The following SMYD1 variants were observed in gnomAD, a reference collection of about 807,000 sequenced individuals.
SMYD1 encodes the protein histone-lysine N-methyltransferase SMYD1.
A neutral mutation model predicts 54.0 loss-of-function variants in SMYD1; 49 were observed. That is an observed-to-expected ratio of 0.91 (90% CI 0.72 to 1.15). SMYD1 has a LOEUF of 1.15. SMYD1 is among the 50% of genes most tolerant of loss of function. The pLI, the probability that SMYD1 is intolerant of heterozygous loss-of-function variation, is 0.00. For missense variants in SMYD1, 653 were observed against 639.6 expected (o/e 1.02, Z -0.23); for synonymous variants, 269 against 234.2 (o/e 1.15, Z -1.36).
At chr2:88,089,092 G>C (rs989714847) in intron 3 of SMYD1, among the ~76,000 whole-genome samples, 6 of 152,228 alleles carry the variant, frequency 3.9e-5, no homozygotes, top group African/African-American at 1.4e-4. Context: ...GGCTTGGTAA[G>C]TCCAAAATCT....
Position 88,096,729 on chromosome 2 carries a change from A to G in SMYD1, c.833A>G (p.His278Arg). The G allele has an allele frequency of 1.2e-6, 2 of 1,614,224 alleles. No individual in the cohort carries two copies. The highest frequency in any genetic ancestry group is 1.7e-6 in the Non-Finnish European group (2 of 1,180,042). Residue 278 changes from histidine to arginine, a missense_variant, in exon 6 of 10, where the codon CAC becomes CGC. Coordinates refer to ENST00000419482, the MANE Select transcript of SMYD1 (RefSeq NM_198274.4). Reference protein sequence around the residue: ...KQYYFDCTCEHCQKKLKDDLF... With the variant: ...KQYYFDCTCERCQKKLKDDLF... Reference sequence around the variant, plus strand: ...TACTACTTTGACTGCACATGTGAACACTGCCAGAAAAAACTGAAGGATGAC... The same window carrying G: ...TACTACTTTGACTGCACATGTGAACGCTGCCAGAAAAAACTGAAGGATGAC...
At chr2:88,089,019 A>T (rs2919856) in intron 3 of SMYD1, among the ~76,000 whole-genome samples, 71,571 of 152,040 alleles carry the variant, frequency 0.47, 17,603 homozygotes, top group Middle Eastern at 0.57. Context: ...AGTCTTCACC[A>T]TATTGGGGGG....
At chr2:88,088,864 G>A in intron 3 of SMYD1, among the ~76,000 whole-genome samples, 1 of 152,180 alleles carries the variant, frequency 6.6e-6, no homozygotes, top group Non-Finnish European at 1.5e-5. Flanking sequence ...AGTCCGGGAA[G>A]TGGGGGCGAG....
intron 7 of SMYD1, among the ~76,000 whole-genome samples, chr2:88,105,364 TGC>T (rs2104013846): frequency 7.6e-6 from 1 of 131,942 alleles, no homozygotes; most frequent in African/African-American, 2.8e-5. Context: ...TATGTATATA[TGC>T]GCATGCATAT....
Position 88,111,980 on chromosome 2 carries a change from A to T in SMYD1, c.*1468A>T. 1 of 689,662 alleles carries T rather than the reference A, an allele frequency of 1.4e-6. No individual in the cohort carries two copies. 42.7% of individuals were successfully genotyped at this position (689,662 alleles called of 1,614,324 possible). A position where few individuals can be genotyped will look rare whatever the true frequency, so the allele number is the denominator to read the frequency against. ...TTAGCTTCTCCATCCTCACCACATG[A>T]TGACCTGCTGTGTCCCTCTGAGCAC... is the stretch of plus-strand genomic sequence containing the variant. On this transcript the variant is annotated 3_prime_UTR_variant, in exon 10 of 10. Transcript: ENST00000419482.
chr2:88,084,110 C>CA (rs555005304), intron 1 of SMYD1, among the ~76,000 whole-genome samples: 145 of 143,874 alleles, frequency 1.0e-3, no homozygotes, highest in African/African-American at 2.4e-3. Flanking sequence ...AACTCTGTCT[C>CA]AAAAAAAAAA....
rs772487548 is a variant in SMYD1, at chr2:88,087,912, C to G, written c.365C>G (p.Thr122Arg). Residue 122 changes from threonine (T) to arginine (R), a missense_variant, in exon 3 of 10, where the codon ACG becomes AGG. Physicochemically the swap from Thr to Arg is moderately conservative, Grantham distance 71 (BLOSUM62 -1). Coordinates refer to ENST00000419482, the MANE Select transcript of SMYD1 (RefSeq NM_198274.4). Reference protein sequence around the residue: ...WRVEREGTGLTEGCLVSVDDL... With the variant: ...WRVEREGTGLREGCLVSVDDL... ...GTGGAGAGAGAAGGCACCGGGCTCACGGAGGGCTGCCTGGTGTCCGTGGAC... is the reference window on the plus strand; with the variant it reads ...GTGGAGAGAGAAGGCACCGGGCTCAGGGAGGGCTGCCTGGTGTCCGTGGAC... 12 of 1,611,542 alleles carry G rather than the reference C, an allele frequency of 7.4e-6. No individual in the cohort carries two copies. In the South Asian group the frequency reaches 1.1e-4, roughly 15 times the overall value.
intron 1 of SMYD1, among the ~76,000 whole-genome samples, chr2:88,071,112 G>T (rs1437670891): frequency 2.6e-5 from 4 of 152,046 alleles, no homozygotes; most frequent in Non-Finnish European, 5.9e-5. Context: ...TTATTCATCT[G>T]TATGGTTTTG....
At chr2:88,099,154 T>G (rs1247815767) in intron 6 of SMYD1, among the ~76,000 whole-genome samples, 1 of 152,108 alleles carries the variant, frequency 6.6e-6, no homozygotes, top group Non-Finnish European at 1.5e-5. Flanking sequence ...TGGTGTGATC[T>G]CAGCTCACTG....
At chr2:88,088,582 C>G (rs1674393291) in intron 3 of SMYD1, among the ~76,000 whole-genome samples, 1 of 152,218 alleles carries the variant, frequency 6.6e-6, no homozygotes, top group African/African-American at 2.4e-5. Context: ...ATCCCACATA[C>G]AAATTTTACT....
intron 1 of SMYD1, among the ~76,000 whole-genome samples, chr2:88,077,609 A>T (rs1416722738): frequency 6.6e-6 from 1 of 152,140 alleles, no homozygotes; most frequent in Admixed American, 6.5e-5. Context: ...CCCAGCTAAG[A>T]CTGCCTGGGA....
At position 88,108,547 on chromosome 2, in the gene SMYD1, G is replaced by T. The variant is rs1674939144; in HGVS notation, c.1314+8G>T. 6.4e-7 allele frequency: 1 copy of T among 1,566,474 alleles called. No homozygotes were observed. Among genetic ancestry groups the T allele is most frequent in the Non-Finnish European group, 8.7e-7 (1 of 1,155,468 alleles). ...ATCACTAAGGACTTAGAGGCAAGTA[G>T]CGTCTTGAGGCTGGTGTTCCCTTCC... On this transcript the variant is annotated splice_region_variant and intron_variant, in intron 9 of 9. Coordinates refer to ENST00000419482, the MANE Select transcript of SMYD1 (RefSeq NM_198274.4).
chr2:88,083,568 C>T (rs571896443), intron 1 of SMYD1, among the ~76,000 whole-genome samples: 2 of 152,174 alleles, frequency 1.3e-5, no homozygotes, highest in African/African-American at 4.8e-5. Flanking sequence ...GTCATTCTTA[C>T]TGTTGCAAAA....
chr2:88,087,868 G>A lies in SMYD1; in HGVS notation c.321G>A (p.Ala107=), dbSNP rs768978668. The A allele has an allele frequency of 6.3e-6, 10 of 1,578,860 alleles. No homozygotes were observed. Among genetic ancestry groups the A allele is most frequent in the East Asian group, 2.3e-5 (1 of 43,686 alleles). ...GKVPNENIRL[A]ARIMWRVERE... is the part of the protein sequence containing the mutation. ...GACGCTGCCCTTCCCACAGGCTGGC[G>A]GCGCGCATCATGTGGCGGGTGGAGA... is the stretch of plus-strand genomic sequence containing the variant. The change falls in exon 3 of 10, where the codon GCG becomes GCA. Residue 107 remains alanine, a synonymous_variant. Coordinates refer to ENST00000419482, the MANE Select transcript of SMYD1 (RefSeq NM_198274.4).
intron 5 of SMYD1, 59 bp downstream of exon 5, chr2:88,093,614 T>C: frequency 1.2e-6 from 2 of 1,600,750 alleles, no homozygotes; most frequent in South Asian, 1.1e-5. Context: ...ACTTACCTGG[T>C]TTGCTGGGGC....
Position 88,087,932 on chromosome 2 carries a change from G to T in SMYD1, c.385G>T (p.Val129Leu). ...GCTCACGGAGGGCTGCCTGGTGTCCGTGGACGACTTGCAGAACCACGTGGA... is the reference window on the plus strand; with the variant it reads ...GCTCACGGAGGGCTGCCTGGTGTCCTTGGACGACTTGCAGAACCACGTGGA... Reference protein sequence around the residue: ...TGLTEGCLVSVDDLQNHVEHF... With the variant: ...TGLTEGCLVSLDDLQNHVEHF... Residue 129 changes from valine to leucine, a missense_variant, in exon 3 of 10, where the codon GTG becomes TTG. Physicochemically the swap from Val to Leu is conservative, Grantham distance 32 (BLOSUM62 1). Coordinates refer to ENST00000419482, the MANE Select transcript of SMYD1 (RefSeq NM_198274.4). 6.2e-7 allele frequency: 1 copy of T among 1,613,896 alleles called. No homozygotes were observed. The highest frequency in any genetic ancestry group is 2.2e-5 in the East Asian group (1 of 44,874).
At chr2:88,068,324 G>A (rs955217539) in intron 1 of SMYD1, among the ~76,000 whole-genome samples, 12 of 152,132 alleles carry the variant, frequency 7.9e-5, no homozygotes, top group African/African-American at 2.7e-4. Flanking sequence ...AACATTTTCC[G>A]ACAGAAAGCT....
chr2:88,099,931 T>C (rs1457057909), intron 6 of SMYD1, among the ~76,000 whole-genome samples: 2 of 148,954 alleles, frequency 1.3e-5, no homozygotes, highest in African/African-American at 5.0e-5. Flanking sequence ...CCTCCCCTTA[T>C]CCTCTGGCCC....
At chr2:88,089,759 G>A (rs1674422461) in intron 3 of SMYD1, among the ~76,000 whole-genome samples, 1 of 149,934 alleles carries the variant, frequency 6.7e-6, no homozygotes, top group South Asian at 2.1e-4. Flanking sequence ...GTTAATTTTT[G>A]CTTTTTTTTT....
Sources: allele counts gnomAD v4.1 joint callset (sites outside exome capture counted in the v4.1 genomes callset), GRCh38; gene constraint gnomAD v4.1.1; transcripts MANE v1.5; gene names NCBI Gene and HGNC (gene_info 2026-07-23, HGNC 2026-07-21).